RBMS1: variants seen among roughly 807,000 people sequenced by gnomAD.
RBMS1 encodes the protein RNA binding motif single stranded interacting protein 1.
RBMS1 carries 17 observed loss-of-function variants against 62.3 expected under a neutral mutation model. The observed-to-expected ratio is 0.27, with a 90% CI of 0.19 to 0.41. The LOEUF (loss-of-function observed/expected upper bound fraction) is 0.41. RBMS1 is among the 10% of genes least tolerant of loss of function. RBMS1 has a pLI of 1.00. For synonymous variants in RBMS1, 172 were observed against 170.0 expected (o/e 1.01, Z -0.09); for missense variants, 334 against 504.5 (o/e 0.66, Z 3.24).
intron 1 of RBMS1, among the ~76,000 whole-genome samples, chr2:160,475,147 A>G (rs1685071026): frequency 6.6e-6 from 1 of 152,258 alleles, no homozygotes; most frequent in Non-Finnish European, 1.5e-5. Flanking sequence ...AGATTTTTAA[A>G]AAGGCAATGG....
At chr2:160,424,363 A>AC (rs1352237746) in intron 1 of RBMS1, among the ~76,000 whole-genome samples, 2,471 of 83,490 alleles carry the variant, frequency 0.03, 50 homozygotes, top group South Asian at 0.088. Flanking sequence ...GAGGTGAGAG[A>AC]TTGGGGGGGG....
At chr2:160,387,885 T>C (rs561016767) in intron 1 of RBMS1, among the ~76,000 whole-genome samples, 13 of 152,172 alleles carry the variant, frequency 8.5e-5, no homozygotes, top group South Asian at 6.2e-4. Context: ...GAGAGCTTCA[T>C]CTGAACCCAG....
At chr2:160,330,732 T>C (rs1304473080) in intron 2 of RBMS1, among the ~76,000 whole-genome samples, 2 of 151,898 alleles carry the variant, frequency 1.3e-5, no homozygotes, top group Admixed American at 6.6e-5. Flanking sequence ...AAAGACACTA[T>C]GCTCTTGGGC....
chr2:160,419,267 A>T (rs748607316), intron 1 of RBMS1, among the ~76,000 whole-genome samples: 3 of 152,164 alleles, frequency 2.0e-5, no homozygotes, highest in Non-Finnish European at 4.4e-5. Context: ...TGCTATGAAC[A>T]TTATTAAATA....
In RBMS1 at chr2:160,438,831, C is replaced by T. The variant is rs954141998; in HGVS notation, c.75+54458G>A. Among the ~76,000 whole-genome samples the T allele has an allele frequency of 2.0e-5, 3 of 146,960 alleles. No homozygotes were observed. The South Asian group carries it at 6.6e-4, about 32-fold the overall frequency. On this transcript the variant is annotated intron_variant, in intron 1 of 13. Transcript: ENST00000348849. ...GAGGGGCTCCTCACTTCCCAGTAGG[C>T]GCGGCCGGGCAGAGGCGCCCCTCAC...
At chr2:160,349,857 G>C (rs1375701082) in intron 2 of RBMS1, among the ~76,000 whole-genome samples, 1 of 150,108 alleles carries the variant, frequency 6.7e-6, no homozygotes, top group Non-Finnish European at 1.5e-5. Context: ...TTGAGATTGA[G>C]AATGCCCAGG....
At chr2:160,358,185 G>A (rs148995650) in intron 2 of RBMS1, among the ~76,000 whole-genome samples, 74 of 152,164 alleles carry the variant, frequency 4.9e-4, no homozygotes, top group South Asian at 1.0e-3. Context: ...GGCAGGGGAC[G>A]GGGGATGATT....
At chr2:160,440,727 T>C (rs774263391) in intron 1 of RBMS1, among the ~76,000 whole-genome samples, 3 of 152,232 alleles carry the variant, frequency 2.0e-5, no homozygotes, top group Non-Finnish European at 4.4e-5. Flanking sequence ...GGGATTCTTA[T>C]AGCACAGACG....
In RBMS1 at chr2:160,307,150, A is replaced by T. The variant is rs559938859; in HGVS notation, c.403-3663T>A. Among the ~76,000 whole-genome samples the T allele has an allele frequency of 7.2e-5, 11 of 152,232 alleles. No homozygotes were observed. In the South Asian group the frequency reaches 1.4e-3, roughly 20 times the overall value. On this transcript the variant is annotated intron_variant, in intron 4 of 13. Transcript: ENST00000348849. ...AGTCATCATCCGAAAGAAATTAACA[A>T]AAACCTCCCCGTGCGTGTGGAATGG...
chr2:160,405,476 A>G (rs1160062614), intron 1 of RBMS1, among the ~76,000 whole-genome samples: 1 of 152,184 alleles, frequency 6.6e-6, no homozygotes, highest in Non-Finnish European at 1.5e-5. Context: ...TGAGATCACA[A>G]AGTCACTCAT....
At chr2:160,320,297 G>A (rs547178215) in intron 2 of RBMS1, among the ~76,000 whole-genome samples, 135 of 152,200 alleles carry the variant, frequency 8.9e-4, no homozygotes, top group African/African-American at 3.1e-3. Flanking sequence ...GCAAAACCCC[G>A]TCTCTACCCT....
intron 1 of RBMS1, among the ~76,000 whole-genome samples, chr2:160,450,563 T>TTA (rs71006605): frequency 8.2e-6 from 1 of 122,392 alleles, no homozygotes; most frequent in Non-Finnish European, 1.6e-5. Flanking sequence ...AAATAAAAAA[T>TTA]GAAAAAAAAA....
At chr2:160,465,530 C>G (rs1227443605) in intron 1 of RBMS1, among the ~76,000 whole-genome samples, 1 of 152,122 alleles carries the variant, frequency 6.6e-6, no homozygotes, top group African/African-American at 2.4e-5. Flanking sequence ...GAGAAGTACT[C>G]TAGATCTTAC....
At chr2:160,376,288 G>T (rs1693996148) in intron 1 of RBMS1, among the ~76,000 whole-genome samples, 1 of 152,122 alleles carries the variant, frequency 6.6e-6, no homozygotes, top group African/African-American at 2.4e-5. Context: ...GATCCAGCGG[G>T]ACATGTGAAT....
intron 6 of RBMS1, among the ~76,000 whole-genome samples, chr2:160,296,730 A>G (rs559290555): frequency 2.0e-5 from 3 of 152,264 alleles, no homozygotes; most frequent in African/African-American, 7.2e-5. Flanking sequence ...ATGTTATTTA[A>G]TAAGGTTCAA....
chr2:160,370,380 A>T (rs901345517), intron 1 of RBMS1, among the ~76,000 whole-genome samples: 14 of 152,196 alleles, frequency 9.2e-5, no homozygotes, highest in Admixed American at 5.9e-4. Flanking sequence ...CACGCCTGTA[A>T]TCCCAGCACT....
At chr2:160,335,230 T>C (rs918930804) in intron 2 of RBMS1, among the ~76,000 whole-genome samples, 1 of 152,128 alleles carries the variant, frequency 6.6e-6, no homozygotes, top group Non-Finnish European at 1.5e-5. Context: ...TGTATTTTAT[T>C]ATCAAACTAA....
At chr2:160,448,645 G>A (rs933744125) in intron 1 of RBMS1, among the ~76,000 whole-genome samples, 3 of 152,120 alleles carry the variant, frequency 2.0e-5, no homozygotes, top group Admixed American at 6.5e-5. Flanking sequence ...GGCTCGCTAC[G>A]ACCTCCACCT....
At chr2:160,491,988 G>A (rs892117512) in intron 1 of RBMS1, among the ~76,000 whole-genome samples, 4 of 152,202 alleles carry the variant, frequency 2.6e-5, no homozygotes, top group African/African-American at 4.8e-5. Context: ...AAACTGACAA[G>A]TGTCCTTTTT....
Sources: gnomAD v4.1 joint callset for allele counts (sites outside exome capture counted in the v4.1 genomes callset) on GRCh38, gnomAD v4.1.1 for gene constraint, MANE v1.5 for transcripts, NCBI Gene and HGNC (gene_info 2026-07-23, HGNC 2026-07-21) for gene names.